The following COBL variants were observed in gnomAD, a reference collection of about 807,000 sequenced individuals.
COBL encodes the protein protein cordon-bleu.
A neutral mutation model predicts 98.8 loss-of-function variants in COBL; 51 were observed. That is an observed-to-expected ratio of 0.52 (90% CI 0.41 to 0.65). The LOEUF is 0.65. Ranked by LOEUF, COBL falls within the 30% of genes least tolerant of loss-of-function variation. The pLI is 0.00. For synonymous variants in COBL, 634 were observed against 651.7 expected (o/e 0.97, Z 0.41); for missense variants, 1,617 against 1,617.5 (o/e 1.00, Z 0.01).
At chr7:51,051,704 C>T (rs1220029720) in intron 7 of COBL, among the ~76,000 whole-genome samples, 1 of 152,232 alleles carries the variant, frequency 6.6e-6, no homozygotes, top group Non-Finnish European at 1.5e-5. Flanking sequence ...CTATCAACAA[C>T]AGTCATGGGT....
chr7:51,313,233 G>A (rs1201042575), intron 1 of COBL, among the ~76,000 whole-genome samples: 5 of 149,984 alleles, frequency 3.3e-5, no homozygotes, highest in Non-Finnish European at 5.9e-5. Context: ...CTATTATGGT[G>A]TAGAGTTAAT....
Position 51,193,408 on chromosome 7 carries a change from CCTT to C in COBL, c.424_426del (p.Lys142del), listed in dbSNP as rs1412969090. Reference sequence around the variant, plus strand: ...GGCACCTTAGGGGGACCAGGCTTAACCTTCTCTTCAGGAACTTTTTCTTTCAGA... The same window carrying C: ...GGCACCTTAGGGGGACCAGGCTTAACCTCTTCAGGAACTTTTTCTTTCAGA... On this transcript the variant is annotated inframe_deletion, in exon 3 of 13. Coordinates refer to ENST00000265136, the MANE Select transcript of COBL (RefSeq NM_015198.5). 5 of 1,614,070 alleles carry C rather than the reference CCTT, an allele frequency of 3.1e-6. No individual in the cohort carries two copies. The highest frequency in any genetic ancestry group is 4.2e-6 in the Non-Finnish European group (5 of 1,180,024).
chr7:51,277,266 A>T (rs879750059), intron 1 of COBL, among the ~76,000 whole-genome samples: 4 of 152,144 alleles, frequency 2.6e-5, no homozygotes, highest in African/African-American at 4.8e-5. Flanking sequence ...GAGTTCATGA[A>T]TATGTGTGCC....
chr7:51,199,206 T>C (rs1790885422), intron 2 of COBL, among the ~76,000 whole-genome samples: 1 of 152,172 alleles, frequency 6.6e-6, no homozygotes, highest in Admixed American at 6.5e-5. Flanking sequence ...ATACCCTTGG[T>C]GACAGGTTCC....
chr7:51,098,220 G>GTTTTTTTTTTTTTTTTTTT (rs1276606651), intron 6 of COBL, among the ~76,000 whole-genome samples: 10 of 52,294 alleles, frequency 1.9e-4, no homozygotes, highest in African/African-American at 1.0e-3. Flanking sequence ...CCCAATAGCA[G>GTTTTTTTTTTTTTTTTTTT]TTTCTTTTTT....
chr7:51,137,512 T>A (rs908532304), intron 5 of COBL, among the ~76,000 whole-genome samples: 1 of 151,716 alleles, frequency 6.6e-6, no homozygotes, highest in South Asian at 2.1e-4. Context: ...GGTGGGAGGA[T>A]CTCTTGAGCC....
At chr7:51,182,228 A>C (rs781398543) in intron 5 of COBL, among the ~76,000 whole-genome samples, 29 of 152,170 alleles carry the variant, frequency 1.9e-4, no homozygotes, top group East Asian at 5.8e-4. Context: ...GGAAAAAAAA[A>C]CCAACAAGAC....
intron 1 of COBL, among the ~76,000 whole-genome samples, chr7:51,244,787 A>C (rs1796142876): frequency 6.6e-6 from 1 of 152,044 alleles, no homozygotes; most frequent in Admixed American, 6.6e-5. Context: ...CAGCCATTCC[A>C]AGTCCCGGAA....
At chr7:51,052,482 CT>C (rs1430141461) in intron 7 of COBL, among the ~76,000 whole-genome samples, 1 of 152,132 alleles carries the variant, frequency 6.6e-6, no homozygotes, top group Non-Finnish European at 1.5e-5. Context: ...ACCTTCAGTC[CT>C]TTTTTACACA....
intron 7 of COBL, chr7:51,082,921 T>C (rs1035072406): frequency 3.2e-5 from 25 of 788,412 alleles, no homozygotes; most frequent in Admixed American, 2.1e-4. Flanking sequence ...GCATTCAGCA[T>C]TGGGAAACAA....
chr7:51,211,942 A>G (rs1792479174), intron 2 of COBL, among the ~76,000 whole-genome samples: 1 of 152,114 alleles, frequency 6.6e-6, no homozygotes, highest in Non-Finnish European at 1.5e-5. Flanking sequence ...GGTTCAATGG[A>G]AGGATAAAAG....
intron 6 of COBL, among the ~76,000 whole-genome samples, chr7:51,099,665 A>AG (rs1179729475): frequency 2.6e-5 from 4 of 152,254 alleles, no homozygotes; most frequent in Non-Finnish European, 1.5e-5. Flanking sequence ...AGTGATCTAG[A>AG]GGTGCCTATA....
At chr7:51,134,627 A>ATTAT (rs1477416828) in intron 6 of COBL, among the ~76,000 whole-genome samples, 1 of 152,266 alleles carries the variant, frequency 6.6e-6, no homozygotes, top group Non-Finnish European at 1.5e-5. Flanking sequence ...TGATCCTGGA[A>ATTAT]GTCATACTTT....
intron 6 of COBL, among the ~76,000 whole-genome samples, chr7:51,118,253 C>T (rs1797451696): frequency 6.6e-6 from 1 of 152,096 alleles, no homozygotes; most frequent in South Asian, 2.1e-4. Context: ...CAAACACACA[C>T]ATTTGTTATC....
intron 8 of COBL, among the ~76,000 whole-genome samples, chr7:51,040,299 T>C (rs2128884828): frequency 6.6e-6 from 1 of 151,360 alleles, no homozygotes; most frequent in East Asian, 2.0e-4. Flanking sequence ...ACTATAGTAA[T>C]TCCATGCAAG....
intron 2 of COBL, among the ~76,000 whole-genome samples, chr7:51,199,412 C>T (rs556742837): frequency 6.6e-6 from 1 of 152,110 alleles, no homozygotes; most frequent in Non-Finnish European, 1.5e-5. Context: ...ACATGGACCA[C>T]AAAGCATTAG....
At chr7:51,105,866 G>A (rs1796215103) in intron 6 of COBL, among the ~76,000 whole-genome samples, 1 of 152,038 alleles carries the variant, frequency 6.6e-6, no homozygotes, top group Admixed American at 6.5e-5. Context: ...AATTTCAGGA[G>A]GAGTGAAGGA....
At chr7:51,034,326 C>T (rs1588279531) in intron 8 of COBL, 4 of 152,414 alleles carry the variant, frequency 2.6e-5, no homozygotes, top group South Asian at 2.1e-4. Flanking sequence ...CTGGCCACCA[C>T]GCAGCCCAGG....
chr7:51,177,775 AAAATAAATAAAT>A (rs147309503), intron 5 of COBL, among the ~76,000 whole-genome samples: 85 of 142,900 alleles, frequency 5.9e-4, no homozygotes, highest in South Asian at 3.4e-3. Flanking sequence ...CTGTCTCAAA[AAAATAAATAAAT>A]AAATAAATAA....
Sources: allele counts gnomAD v4.1 joint callset (sites outside exome capture counted in the v4.1 genomes callset), GRCh38; gene constraint gnomAD v4.1.1; transcripts MANE v1.5; gene names NCBI Gene and HGNC (gene_info 2026-07-23, HGNC 2026-07-21).